The following CDCA8 variants were observed in gnomAD, a reference collection of about 807,000 sequenced individuals.
CDCA8 encodes cell division cycle associated 8.
In CDCA8, 25 loss-of-function variants were observed where a neutral mutation model predicts 40.0. The ratio of observed to expected loss-of-function variants is 0.63; its 90% confidence interval spans 0.46 to 0.87. The LOEUF is 0.87. Among genes scored for constraint, CDCA8 ranks in the 40% least tolerant of loss-of-function variants. CDCA8 has a pLI of 0.00. For synonymous variants in CDCA8, 111 were observed against 126.5 expected, an observed-to-expected ratio of 0.88 and a Z score of 0.82; for missense variants, 280 against 348.4, an observed-to-expected ratio of 0.80 and a Z score of 1.56.
At chr1:37,706,888 C>G (rs1287543717) in intron 8 of CDCA8, 90 bp from the exon 9 acceptor site, 2 of 932,686 alleles carry the variant, frequency 2.1e-6, no homozygotes, top group Non-Finnish European at 3.4e-6. Flanking sequence ...CCCAGCCATT[C>G]CCCACCACTA....
rs575521420 is a variant in CDCA8, at chr1:37,706,255, A to T, written c.711+688A>T. Among the ~76,000 whole-genome samples the T allele has an allele frequency of 2.0e-5, 3 of 152,162 alleles. No individual in the cohort carries two copies. In the South Asian group the frequency reaches 6.2e-4, roughly 32 times the overall value. ...CCTGAGTAACTGGGACTACAGGCAC[A>T]TGCCACCACACCCGGCTAATTTTTG... On this transcript the variant is annotated intron_variant, in intron 8 of 9. Coordinates refer to ENST00000373055, the MANE Select transcript of CDCA8 (RefSeq NM_001256875.2).
chr1:37,707,194 A>G, intron 9 of CDCA8, 130 bp downstream of exon 9: 1 of 668,618 alleles, frequency 1.5e-6, no homozygotes, highest in South Asian at 1.9e-5. Context: ...CCTTCCCCCA[A>G]GAGATTTTGA....
chr1:37,701,264 G>A (rs1393329522), intron 5 of CDCA8, among the ~76,000 whole-genome samples: 1 of 152,138 alleles, frequency 6.6e-6, no homozygotes, highest in African/African-American at 2.4e-5. Flanking sequence ...AGGGTAGAGA[G>A]AGGAGCTCCT....
In CDCA8 at chr1:37,708,412, C is replaced by T. The variant is rs372414342; in HGVS notation, c.*46C>T. The T allele has an allele frequency of 3.6e-5, 56 of 1,550,940 alleles. No individual in the cohort carries two copies. The African/African-American group carries it at 7.3e-4, about 20-fold the overall frequency. ...GGACTTTTAATGGGCACTTCTGGGA[C>T]CCTGAAGAGACTTCTTCCCTTCAGG... On this transcript the variant is annotated 3_prime_UTR_variant, in exon 10 of 10. Coordinates refer to ENST00000373055, the MANE Select transcript of CDCA8 (RefSeq NM_001256875.2).
chr1:37,707,206 T>A (rs1479912861), intron 9 of CDCA8, 142 bp downstream of exon 9: 4 of 636,140 alleles, frequency 6.3e-6, no homozygotes, highest in Non-Finnish European at 1.1e-5. Flanking sequence ...AGATTTTGAC[T>A]CTTACCCTAC....
At chr1:37,699,842 C>T (rs1231613918) in intron 4 of CDCA8, among the ~76,000 whole-genome samples, 1 of 152,000 alleles carries the variant, frequency 6.6e-6, no homozygotes, top group Non-Finnish European at 1.5e-5. Flanking sequence ...ATGGCGTGAA[C>T]CCGGGAGGTG....
intron 7 of CDCA8, among the ~76,000 whole-genome samples, chr1:37,703,988 CCAATGCCCAGGCTG>C (rs1174736825): frequency 1.3e-5 from 2 of 152,146 alleles, no homozygotes; most frequent in African/African-American, 4.8e-5. Context: ...GGGTCTCACT[CCAATGCCCAGGCTG>C]GAGAGCAGTG....
chr1:37,701,851 G>A (rs758468425), intron 6 of CDCA8, 33 bp downstream of exon 6: 6 of 1,540,364 alleles, frequency 3.9e-6, no homozygotes, highest in African/African-American at 1.4e-5. Flanking sequence ...GGTGTTTTGG[G>A]TTTTATTGGA....
intron 6 of CDCA8, among the ~76,000 whole-genome samples, chr1:37,702,500 G>C (rs973761090): frequency 4.6e-5 from 7 of 152,182 alleles, no homozygotes; most frequent in African/African-American, 1.7e-4. Context: ...TAAGCCATGT[G>C]GGGGAAGGTA....
chr1:37,709,633 C>CTGAG lies in CDCA8; in HGVS notation c.*1269_*1272dup, dbSNP rs1393740773. The CTGAG allele has an allele frequency of 2.6e-5, 4 of 152,096 alleles. No homozygotes were observed. The highest frequency in any genetic ancestry group is 3.4e-3 in the Middle Eastern group (1 of 294). 9.4% of individuals were successfully genotyped at this position (152,096 alleles called of 1,614,324 possible). ...CCCTGAGATTTTTGTATATATTGTTCTGAGTAATGGTATCTTTGAGCTGAT... is the reference window on the plus strand; with the variant it reads ...CCCTGAGATTTTTGTATATATTGTTCTGAGTGAGTAATGGTATCTTTGAGCTGAT... On this transcript the variant is annotated 3_prime_UTR_variant, in exon 10 of 10. Coordinates refer to ENST00000373055, the MANE Select transcript of CDCA8 (RefSeq NM_001256875.2).
intron 2 of CDCA8, among the ~76,000 whole-genome samples, chr1:37,693,399 A>AT (rs34875507): frequency 0.15 from 23,451 of 151,968 alleles, 2,527 homozygotes; most frequent in East Asian, 0.45. Flanking sequence ...AATTTATTTA[A>AT]TTTTTTTTAA....
At chr1:37,693,114 G>A in intron 2 of CDCA8, 81 bp downstream of exon 2, 1 of 1,263,942 alleles carries the variant, frequency 7.9e-7, no homozygotes, top group Non-Finnish European at 1.1e-6. Context: ...GGCTCGCTCA[G>A]ATGTCACCTT....
Position 37,700,375 on chromosome 1 carries a change from G to A in CDCA8, c.338-61G>A, listed in dbSNP as rs1326372955. 6 of 942,046 alleles carry A rather than the reference G, an allele frequency of 6.4e-6. No homozygotes were observed. The Admixed American group carries it at 1.1e-4, about 17-fold the overall frequency. 58.4% of individuals were successfully genotyped at this position (942,046 alleles called of 1,614,324 possible). ...TGTACATTTTATTCCTATAAGAAAT[G>A]TGAATGCACAAAACTTTATTTTCAT... On this transcript the variant is annotated intron_variant, in intron 4 of 9. Coordinates refer to ENST00000373055, the MANE Select transcript of CDCA8 (RefSeq NM_001256875.2).
In CDCA8 at chr1:37,703,240, T is replaced by G. The variant is rs986889359; in HGVS notation, c.489-12T>G. On this transcript the variant is annotated splice_polypyrimidine_tract_variant and intron_variant, in intron 6 of 9. Coordinates refer to ENST00000373055, the MANE Select transcript of CDCA8 (RefSeq NM_001256875.2). ...AGAGTTGGCATACCTGATGGCCATT[T>G]CTTACCTGTAGGTCAAGCCGTGCTA... 1.2e-6 allele frequency: 2 copies of G among 1,608,724 alleles called. No homozygotes were observed. Among genetic ancestry groups the G allele is most frequent in the Non-Finnish European group, 1.7e-6 (2 of 1,175,820 alleles).
chr1:37,706,106 CCTT>C (rs1481984614), intron 8 of CDCA8, among the ~76,000 whole-genome samples: 2 of 111,006 alleles, frequency 1.8e-5, no homozygotes, highest in South Asian at 6.2e-4. Flanking sequence ...ACCGTGCCCA[CCTT>C]TTTTTTTTTT....
At chr1:37,699,129 G>A (rs1462358188) in intron 4 of CDCA8, 152 bp downstream of exon 4, 1 of 579,006 alleles carries the variant, frequency 1.7e-6, no homozygotes, top group Admixed American at 3.4e-5. Flanking sequence ...TTTGGATGGT[G>A]CATTTAGTTA....
intron 3 of CDCA8, among the ~76,000 whole-genome samples, chr1:37,697,125 T>C (rs920669905): frequency 1.3e-5 from 2 of 152,222 alleles, no homozygotes; most frequent in Non-Finnish European, 2.9e-5. Flanking sequence ...TTGACTAATA[T>C]GATTTAAAAC....
chr1:37,695,931 C>T lies in CDCA8; in HGVS notation c.245C>T (p.Ala82Val). ...DYFALGGNKQ[A>V]LEEAATADLD... ...AAAGCCCTTGGAGGAAACAAACAGG[C>T]CCTGGAAGAGGCGGCAACAGTAAGT... Residue 82 changes from alanine (A) to valine (V), a missense_variant, in exon 3 of 10, where the codon GCC becomes GTC. Ala to Val is a moderately conservative substitution (Grantham distance 64). Transcript: ENST00000373055. 6.2e-7 allele frequency: 1 copy of T among 1,613,888 alleles called. No individual in the cohort carries two copies. Among genetic ancestry groups the T allele is most frequent in the South Asian group, 1.1e-5 (1 of 91,062 alleles).
intron 9 of CDCA8, among the ~76,000 whole-genome samples, chr1:37,707,593 G>C (rs138273907): frequency 3.3e-4 from 51 of 152,276 alleles, no homozygotes; most frequent in African/African-American, 1.1e-3. Flanking sequence ...GTGGCTTTGA[G>C]TAACCACACC....
Sources: gnomAD v4.1 joint callset for allele counts (sites outside exome capture counted in the v4.1 genomes callset) on GRCh38, gnomAD v4.1.1 for gene constraint, MANE v1.5 for transcripts, NCBI Gene and HGNC (gene_info 2026-07-23, HGNC 2026-07-21) for gene names.